UNC80: variants seen among roughly 807,000 people sequenced by gnomAD.
UNC80 encodes protein unc-80 homolog.
A neutral mutation model predicts 384.6 loss-of-function variants in UNC80; 164 were observed. That is an observed-to-expected ratio of 0.43 (90% confidence interval 0.38 to 0.49). UNC80 has a LOEUF of 0.49. UNC80 is among the 20% of genes least tolerant of loss of function. The probability of loss-of-function intolerance (pLI) is 0.00; values close to 1 mark genes in which losing one functional copy is unlikely to be tolerated. For synonymous variants in UNC80, 1,486 were observed against 1,527.8 expected (o/e 0.97, Z 0.64); for missense variants, 3,330 against 4,143.0 (o/e 0.80, Z 5.39).
intron 26 of UNC80, among the ~76,000 whole-genome samples, chr2:209,889,189 C>G (rs2086106702): frequency 6.6e-6 from 1 of 152,144 alleles, no homozygotes; most frequent in Admixed American, 6.5e-5. Context: ...CTTTATGAGT[C>G]TTCAAGTAAT....
intron 25 of UNC80, among the ~76,000 whole-genome samples, chr2:209,884,635 A>G (rs1001477934): frequency 6.6e-6 from 1 of 152,242 alleles, no homozygotes; most frequent in East Asian, 1.9e-4. Context: ...TAGCAAAGAC[A>G]TGGAATCAAC....
intron 47 of UNC80, among the ~76,000 whole-genome samples, chr2:209,946,316 G>A (rs1347292849): frequency 6.6e-6 from 1 of 151,346 alleles, no homozygotes; most frequent in Non-Finnish European, 1.5e-5. Flanking sequence ...GCTGCAGTGA[G>A]CTGTGATTGT....
chr2:209,894,165 C>T lies in UNC80; in HGVS notation c.4279C>T (p.Pro1427Ser). The T allele has an allele frequency of 2.0e-6, 2 of 985,314 alleles. No homozygotes were observed. The highest frequency in any genetic ancestry group is 2.4e-6 in the Non-Finnish European group (2 of 829,886). 61.0% of individuals were successfully genotyped at this position (985,314 alleles called of 1,614,324 possible). The stretch of plus-strand genomic sequence containing the variant: ...CCTATTTTATTCTTTTAATACAGTT[C>T]CCAGCAGGAAGATCAGGATAGGAGG... ...SDAGVEEKKVPSRKIRIGGSR... is the reference protein window; with the variant it reads ...SDAGVEEKKVSSRKIRIGGSR... Residue 1427 changes from proline (P) to serine (S), a missense_variant and splice_region_variant, in exon 27 of 65, where the codon CCC becomes TCC. Physicochemically the swap from Pro to Ser is moderately conservative, Grantham distance 74 (BLOSUM62 -1). This residue lies in a region of UNC80 where 801 missense variants were observed against 950.8 expected (regional missense o/e 0.84). Transcript: ENST00000673920.
intron 61 of UNC80, 93 bp downstream of exon 61, chr2:209,985,005 T>G: frequency 8.9e-7 from 1 of 1,124,886 alleles, no homozygotes; most frequent in South Asian, 1.5e-5. Flanking sequence ...CTGTCTCTTC[T>G]CGCCCCGTCT....
rs543684178 is a variant in UNC80, at chr2:209,972,268, G to A, written c.8324G>A (p.Gly2775Glu). 14 of 1,551,752 alleles carry A rather than the reference G, an allele frequency of 9.0e-6. No individual in the cohort carries two copies. In the Admixed American group the frequency reaches 1.8e-4, roughly 20 times the overall value. Residue 2775 changes from glycine (G) to glutamate (E), a missense_variant, in exon 55 of 65, where the codon GGG (glycine) becomes GAG (glutamate). Around this residue, in one of 8 missense-constraint regions of UNC80, gnomAD observed 1,049 missense variants for 1,488.6 expected, o/e 0.70. Coordinates refer to ENST00000673920, the MANE Select transcript of UNC80 (RefSeq NM_001371986.1). ...TTCACCAATCAAGAGCGAAGGGAGG[G>A]GATGCTTTTAAATCTGCTCATCCCA... ...SPFTNQERREGMLLNLLIPFV... is the reference protein window; with the variant it reads ...SPFTNQERREEMLLNLLIPFV...
intron 3 of UNC80, 98 bp downstream of exon 3, chr2:209,776,143 C>T (rs921793083): frequency 6.8e-7 from 1 of 1,463,302 alleles, no homozygotes; most frequent in South Asian, 1.3e-5. Context: ...TTTTCTCAAG[C>T]ACTGTGCATA....
rs1249179021 is a variant in UNC80 at position 209,959,712 on chromosome 2, T to C, written c.7805+5T>C. The C allele has an allele frequency of 6.4e-7, 1 of 1,550,456 alleles. No homozygotes were observed. Among genetic ancestry groups the C allele is most frequent in the Middle Eastern group, 1.9e-4 (1 of 5,354 alleles). ...GGATGTGAAGTCTCACATGAGGTAC[T>C]GGCCTCGCTTTCCCTGCCCCAAGTG... On this transcript the variant is annotated splice_donor_5th_base_variant and intron_variant, in intron 51 of 64. Transcript: ENST00000673920.
chr2:209,778,783 T>G (rs1343609310), intron 4 of UNC80, among the ~76,000 whole-genome samples: 1 of 152,240 alleles, frequency 6.6e-6, no homozygotes, highest in Non-Finnish European at 1.5e-5. Context: ...ATTGACATGT[T>G]CATCTGCTCT....
chr2:209,922,329 T>A lies in UNC80; in HGVS notation c.5608T>A (p.Tyr1870Asn). Residue 1870 changes from tyrosine (Y) to asparagine (N), a missense_variant, in exon 35 of 65, where the codon TAT becomes AAT. Transcript: ENST00000673920. Reference sequence around the variant, plus strand: ...CACCTCCAGCACTTCCCACAGGAATTATTCCTTCCGCCGCGGGTCAGTCTG... The same window carrying A: ...CACCTCCAGCACTTCCCACAGGAATAATTCCTTCCGCCGCGGGTCAGTCTG... ...SCTSSTSHRN[Y>N]SFRRGSVWSV... The A allele has an allele frequency of 6.4e-7, 1 of 1,552,046 alleles. No homozygotes were observed. The highest frequency in any genetic ancestry group is 8.7e-7 in the Non-Finnish European group (1 of 1,147,050).
rs1052670286 is a variant in UNC80, at chr2:209,831,391, A to G, written c.2627-52A>G. On this transcript the variant is annotated intron_variant, in intron 15 of 64. Transcript: ENST00000673920. Reference sequence around the variant, plus strand: ...GCCAAGTACTGCCTTACTCCTACCCATTGTGTAGCTTAAAGGAAACATTGT... The same window carrying G: ...GCCAAGTACTGCCTTACTCCTACCCGTTGTGTAGCTTAAAGGAAACATTGT... The G allele has an allele frequency of 6.6e-6, 10 of 1,512,166 alleles. No individual in the cohort carries two copies. In the African/African-American group the frequency reaches 8.3e-5, roughly 13 times the overall value. 93.7% of individuals were successfully genotyped at this position (1,512,166 alleles called of 1,614,324 possible).
intron 31 of UNC80, among the ~76,000 whole-genome samples, chr2:209,917,378 G>T (rs980147093): frequency 5.3e-5 from 8 of 152,186 alleles, no homozygotes; most frequent in Admixed American, 4.6e-4. Context: ...TTTTTAAAGT[G>T]TAGCTAATGT....
chr2:209,918,853 A>C (rs1293175821), intron 33 of UNC80, among the ~76,000 whole-genome samples, 190 bp downstream of exon 33: 1 of 152,216 alleles, frequency 6.6e-6, no homozygotes. Flanking sequence ...ATCTCAAAAA[A>C]AAAGTCTTGT....
Position 209,772,009 on chromosome 2 carries a change from G to A in UNC80, c.-64G>A. Reference sequence around the variant, plus strand: ...AGAGTTGGGAGCAGCGGGAGGAGGCGGCGGCGGCGGCTAGCGAGGAGACAG... The same window carrying A: ...AGAGTTGGGAGCAGCGGGAGGAGGCAGCGGCGGCGGCTAGCGAGGAGACAG... On this transcript the variant is annotated 5_prime_UTR_variant, in exon 1 of 65. Coordinates refer to ENST00000673920, the MANE Select transcript of UNC80 (RefSeq NM_001371986.1). The A allele has an allele frequency of 8.1e-7, 1 of 1,231,622 alleles. No individual in the cohort carries two copies. The highest frequency in any genetic ancestry group is 2.0e-5 in the Admixed American group (1 of 50,224). 76.3% of individuals were successfully genotyped at this position (1,231,622 alleles called of 1,614,324 possible). A position where few individuals can be genotyped will look rare whatever the true frequency, so the allele number is the denominator to read the frequency against.
chr2:209,804,205 C>A (rs2078740424), intron 7 of UNC80, among the ~76,000 whole-genome samples: 1 of 152,138 alleles, frequency 6.6e-6, no homozygotes, highest in Non-Finnish European at 1.5e-5. Flanking sequence ...GTAAAATAGG[C>A]ATAGGATACC....
At chr2:209,787,545 A>G (rs576600869) in intron 5 of UNC80, among the ~76,000 whole-genome samples, 28 of 152,278 alleles carry the variant, frequency 1.8e-4, no homozygotes, top group African/African-American at 5.5e-4. Context: ...ATTTTGGTCA[A>G]TGACTGTGTT....
intron 3 of UNC80, among the ~76,000 whole-genome samples, chr2:209,777,005 G>A (rs974586283): frequency 6.6e-5 from 10 of 152,038 alleles, no homozygotes; most frequent in Admixed American, 2.0e-4. Context: ...TAACCACTAC[G>A]CTGCCTATTT....
intron 25 of UNC80, among the ~76,000 whole-genome samples, chr2:209,883,917 G>T (rs1288214466): frequency 6.6e-6 from 1 of 152,020 alleles, no homozygotes; most frequent in African/African-American, 2.4e-5. Context: ...TTAAGAAATG[G>T]CACTGAACAG....
At chr2:209,942,747 T>C (rs1386061380) in intron 44 of UNC80, among the ~76,000 whole-genome samples, 5 of 152,042 alleles carry the variant, frequency 3.3e-5, no homozygotes, top group Non-Finnish European at 5.9e-5. Context: ...ATTATGTTCA[T>C]TACAAAATTC....
Position 209,930,959 on chromosome 2 carries a change from T to G in UNC80, c.5908-9T>G, listed in dbSNP as rs1575056519. On this transcript the variant is annotated splice_polypyrimidine_tract_variant and intron_variant, in intron 37 of 64. Coordinates refer to ENST00000673920, the MANE Select transcript of UNC80 (RefSeq NM_001371986.1). ...GAAGGAAACATTAAAAATTCTGTTC[T>G]TCTTTCAGGATGAGTTAATGTACAT... 1 of 1,532,802 alleles carries G rather than the reference T, an allele frequency of 6.5e-7. No homozygotes were observed. The highest frequency in any genetic ancestry group is 8.8e-7 in the Non-Finnish European group (1 of 1,135,666). 95.0% of individuals were successfully genotyped at this position (1,532,802 alleles called of 1,614,324 possible). A position where few individuals can be genotyped will look rare whatever the true frequency, so the allele number is the denominator to read the frequency against.
Sources: gnomAD v4.1 joint callset for allele counts (sites outside exome capture counted in the v4.1 genomes callset) on GRCh38, gnomAD v4.1.1 for gene constraint, gnomAD v4.1.1 regional missense constraint, MANE v1.5 for transcripts, NCBI Gene and HGNC (gene_info 2026-07-23, HGNC 2026-07-21) for gene names.